PPP2R2C: variants seen among roughly 807,000 people sequenced by gnomAD.
The protein encoded by PPP2R2C is protein phosphatase 2, regulatory subunit B, gamma.
A neutral mutation model predicts 45.3 loss-of-function variants in PPP2R2C; 10 were observed. The ratio of observed to expected loss-of-function variants is 0.22; its 90% CI spans 0.14 to 0.37. PPP2R2C has a LOEUF of 0.37. Ranked by LOEUF, PPP2R2C falls within the 10% of genes least tolerant of loss-of-function variation. The probability of loss-of-function intolerance (pLI) is 1.00; values close to 1 mark genes in which losing one functional copy is unlikely to be tolerated. For synonymous variants in PPP2R2C, 257 were observed against 245.4 expected (o/e 1.05, Z -0.44); for missense variants, 308 against 619.7 (o/e 0.50, Z 5.34).
At chr4:6,376,249 T>A (rs547153162) in intron 3 of PPP2R2C, among the ~76,000 whole-genome samples, 1 of 152,134 alleles carries the variant, frequency 6.6e-6, no homozygotes, top group South Asian at 2.1e-4. Flanking sequence ...TCAAAACAAA[T>A]AGCACCATGT....
chr4:6,515,162 G>A (rs559784777), intron 2 of PPP2R2C, among the ~76,000 whole-genome samples: 5 of 152,128 alleles, frequency 3.3e-5, no homozygotes, highest in South Asian at 2.1e-4. Context: ...TACAGGTGGC[G>A]GCTGGTCACT....
Position 6,408,556 on chromosome 4 carries a change from G to A in PPP2R2C, c.71-27462C>T, listed in dbSNP as rs574962294. ...GGGAGGTAGGATGGTGTAAACTGAGGCCACCCTGGAGCACAGATAATCCAG... is the reference window on the plus strand; with the variant it reads ...GGGAGGTAGGATGGTGTAAACTGAGACCACCCTGGAGCACAGATAATCCAG... On this transcript the variant is annotated intron_variant, in intron 1 of 8. Transcript: ENST00000382599. Among the ~76,000 whole-genome samples, 411 of 152,290 alleles carry A rather than the reference G, an allele frequency of 2.7e-3. 3 individuals carry two copies. Among genetic ancestry groups the A allele is most frequent in the African/African-American group, 9.4e-3 (392 of 41,554 alleles).
chr4:6,354,356 T>C (rs1467348186), intron 5 of PPP2R2C, among the ~76,000 whole-genome samples: 1 of 152,116 alleles, frequency 6.6e-6, no homozygotes, highest in Non-Finnish European at 1.5e-5. Flanking sequence ...GGAGCATTCC[T>C]AGTCTCTGCC....
intron 2 of PPP2R2C, among the ~76,000 whole-genome samples, chr4:6,515,929 C>T (rs997900436): frequency 6.6e-6 from 1 of 152,184 alleles, no homozygotes; most frequent in African/African-American, 2.4e-5. Flanking sequence ...GCTGCAGCAT[C>T]CAATCTCTGC....
intron 1 of PPP2R2C, chr4:6,421,052 T>C: frequency 1.0e-6 from 1 of 985,220 alleles, no homozygotes; most frequent in Non-Finnish European, 1.2e-6. Context: ...TGCACCCTTC[T>C]TCCTATTTGG....
Position 6,549,671 on chromosome 4 carries a change from G to A in PPP2R2C, c.-59+13889C>T, listed in dbSNP as rs559306652. ...ACACCTGCTGGCTGTGTGACCTCAC[G>A]TAACCCCTCCTCATCCCTAGGGAGG... On this transcript the variant is annotated intron_variant, in intron 1 of 9. Transcript: ENST00000506140. Among the ~76,000 whole-genome samples the A allele has an allele frequency of 9.8e-5, 15 of 152,310 alleles. No homozygotes were observed. In the East Asian group the frequency reaches 1.5e-3, roughly 16 times the overall value.
At chr4:6,467,623 G>T (rs191208978) in intron 1 of PPP2R2C, among the ~76,000 whole-genome samples, 1 of 152,188 alleles carries the variant, frequency 6.6e-6, no homozygotes, top group Non-Finnish European at 1.5e-5. Context: ...TATGTATCTC[G>T]AGTCTTAGCT....
intron 1 of PPP2R2C, among the ~76,000 whole-genome samples, chr4:6,554,084 C>T (rs1029243424): frequency 6.6e-6 from 1 of 152,158 alleles, no homozygotes; most frequent in African/African-American, 2.4e-5. Context: ...ACTGTGTGCT[C>T]TCCCCACAAA....
intron 1 of PPP2R2C, among the ~76,000 whole-genome samples, chr4:6,404,410 T>G (rs549887919): frequency 6.6e-6 from 1 of 152,244 alleles, no homozygotes; most frequent in East Asian, 1.9e-4. Context: ...TGGAAACCCT[T>G]GGGGACGGGT....
At chr4:6,401,805 C>A (rs1336709128) in intron 1 of PPP2R2C, among the ~76,000 whole-genome samples, 1 of 152,172 alleles carries the variant, frequency 6.6e-6, no homozygotes, top group East Asian at 1.9e-4. Flanking sequence ...ATCTTCCTGT[C>A]GCTCAAAGGG....
chr4:6,490,608 G>A (rs1397410824), intron 2 of PPP2R2C, among the ~76,000 whole-genome samples: 1 of 152,126 alleles, frequency 6.6e-6, no homozygotes, highest in African/African-American at 2.4e-5. Flanking sequence ...AGAGGAATGG[G>A]GAAACATGAC....
chr4:6,553,289 G>T (rs1725245036), intron 1 of PPP2R2C, among the ~76,000 whole-genome samples: 1 of 152,238 alleles, frequency 6.6e-6, no homozygotes, highest in African/African-American at 2.4e-5. Context: ...GAGCCTTAGG[G>T]CAGGGACCAC....
chr4:6,545,863 C>G (rs1577251058), intron 1 of PPP2R2C, among the ~76,000 whole-genome samples: 1 of 152,168 alleles, frequency 6.6e-6, no homozygotes, highest in African/African-American at 2.4e-5. Context: ...ATCAGTATTT[C>G]GCTGACCAAC....
intron 1 of PPP2R2C, among the ~76,000 whole-genome samples, chr4:6,455,000 C>T (rs1720941390): frequency 6.6e-6 from 1 of 152,108 alleles, no homozygotes; most frequent in Non-Finnish European, 1.5e-5. Flanking sequence ...CAGCCCAAGC[C>T]CCATCTCCTG....
At chr4:6,543,352 C>T (rs1177733960) in intron 1 of PPP2R2C, among the ~76,000 whole-genome samples, 2 of 152,164 alleles carry the variant, frequency 1.3e-5, no homozygotes, top group African/African-American at 4.8e-5. Context: ...CCAGCTCAGC[C>T]TCTGCCTCCT....
At chr4:6,463,078 A>C (rs918519985) in intron 1 of PPP2R2C, among the ~76,000 whole-genome samples, 2 of 152,230 alleles carry the variant, frequency 1.3e-5, no homozygotes, top group Admixed American at 6.5e-5. Context: ...GTTTGCATCA[A>C]AACTTTTTTG....
At chr4:6,487,177 C>G (rs1363771000) in intron 2 of PPP2R2C, among the ~76,000 whole-genome samples, 1 of 151,920 alleles carries the variant, frequency 6.6e-6, no homozygotes, top group Non-Finnish European at 1.5e-5. Flanking sequence ...ATACAGTTTA[C>G]TTTTATATAT....
At chr4:6,530,110 C>T (rs1463503832) in intron 2 of PPP2R2C, among the ~76,000 whole-genome samples, 2 of 152,264 alleles carry the variant, frequency 1.3e-5, no homozygotes, top group East Asian at 3.9e-4. Context: ...ACAAGAGTAA[C>T]GATTCTCGAG....
At position 6,378,297 on chromosome 4, in the gene PPP2R2C, C is replaced by A; in HGVS notation, c.334+110G>T. On this transcript the variant is annotated intron_variant, in intron 3 of 8. Coordinates refer to ENST00000382599, the MANE Select transcript of PPP2R2C (RefSeq NM_020416.4). This position sits in a 1 kb window ranked among gnomAD's most constrained non-coding sequence, Gnocchi z 5.2. The stretch of plus-strand genomic sequence containing the variant: ...CTCAAAAAGGATATTATTTTCTAGG[C>A]GTTCTGAAGACATAGAAAAATGCTC... The A allele has an allele frequency of 6.4e-7, 1 of 1,553,212 alleles. No homozygotes were observed. The highest frequency in any genetic ancestry group is 8.7e-7 in the Non-Finnish European group (1 of 1,153,994).
Sources: allele counts gnomAD v4.1 joint callset (sites outside exome capture counted in the v4.1 genomes callset), GRCh38; gene constraint gnomAD v4.1.1; non-coding constraint Gnocchi (gnomAD v3.1); transcripts MANE v1.5; gene names NCBI Gene and HGNC (gene_info 2026-07-23, HGNC 2026-07-21).